Variants in PAK5 observed in about 807,000 individuals in gnomAD.
PAK5 encodes p21 (RAC1) activated kinase 5.
Under a neutral mutation model 65.9 loss-of-function variants are expected in PAK5, and 16 were observed. That is an observed-to-expected ratio of 0.24 (90% CI 0.16 to 0.37). PAK5 has a LOEUF of 0.37. PAK5 is among the 10% of genes least tolerant of loss of function. PAK5 has a pLI of 1.00. For missense variants in PAK5, 785 were observed against 903.9 expected, an observed-to-expected ratio of 0.87 and a Z score of 1.69; for synonymous variants, 371 against 354.9, an observed-to-expected ratio of 1.05 and a Z score of -0.51.
At chr20:9,802,391 T>C (rs1159975798) in intron 1 of PAK5, among the ~76,000 whole-genome samples, 1 of 152,100 alleles carries the variant, frequency 6.6e-6, no homozygotes, top group Non-Finnish European at 1.5e-5. Context: ...TGAACAATGA[T>C]AAACGCAGAC....
intron 1 of PAK5, among the ~76,000 whole-genome samples, chr20:9,830,347 C>T (rs1978610251): frequency 6.6e-6 from 1 of 152,204 alleles, no homozygotes; most frequent in African/African-American, 2.4e-5. Flanking sequence ...TGGACAGCCA[C>T]AGACATTTCC....
At chr20:9,605,879 G>A (rs1307477915) in intron 3 of PAK5, among the ~76,000 whole-genome samples, 1 of 152,088 alleles carries the variant, frequency 6.6e-6, no homozygotes, top group Non-Finnish European at 1.5e-5. Flanking sequence ...GCAGTGAGCC[G>A]AGATGGCGCT....
At chr20:9,562,855 A>G in intron 6 of PAK5, 36 bp downstream of exon 6, 1 of 1,589,714 alleles carries the variant, frequency 6.3e-7, no homozygotes, top group East Asian at 2.2e-5. Flanking sequence ...AAGAATAAGA[A>G]GCACCTCGAA....
chr20:9,728,229 A>T (rs1183233869), intron 1 of PAK5, among the ~76,000 whole-genome samples: 1 of 152,004 alleles, frequency 6.6e-6, no homozygotes, highest in Non-Finnish European at 1.5e-5. Flanking sequence ...ATGAGGAAGG[A>T]TCCTCCACCA....
intron 1 of PAK5, among the ~76,000 whole-genome samples, chr20:9,775,738 T>C (rs956764757): frequency 1.3e-5 from 2 of 152,192 alleles, no homozygotes; most frequent in Non-Finnish European, 2.9e-5. Flanking sequence ...TGGGGTAACA[T>C]ACTTTTCTTT....
intron 1 of PAK5, among the ~76,000 whole-genome samples, chr20:9,835,685 A>G (rs1400974932): frequency 6.6e-6 from 1 of 152,144 alleles, no homozygotes; most frequent in Admixed American, 6.5e-5. Context: ...GTGGGGATAG[A>G]AATAATTTAT....
At chr20:9,708,229 G>T (rs902631677) in intron 2 of PAK5, among the ~76,000 whole-genome samples, 1 of 152,072 alleles carries the variant, frequency 6.6e-6, no homozygotes, top group Non-Finnish European at 1.5e-5. Flanking sequence ...CTAAGCCAAG[G>T]GACCCTTTTG....
intron 3 of PAK5, among the ~76,000 whole-genome samples, chr20:9,596,402 C>A (rs1033343137): frequency 3.3e-5 from 5 of 152,100 alleles, no homozygotes; most frequent in Non-Finnish European, 7.4e-5. Flanking sequence ...TTTGGGAGGC[C>A]GAGGCGGGCG....
intron 1 of PAK5, among the ~76,000 whole-genome samples, chr20:9,817,352 A>G (rs1219089313): frequency 1.3e-5 from 2 of 152,140 alleles, no homozygotes; most frequent in Non-Finnish European, 2.9e-5. Context: ...ATGTACATTC[A>G]TTGAGCACTA....
chr20:9,641,140 TAGA>T (rs2047054051), intron 3 of PAK5, among the ~76,000 whole-genome samples: 2 of 151,972 alleles, frequency 1.3e-5, no homozygotes, highest in African/African-American at 4.8e-5. Flanking sequence ...TCAGATTAGT[TAGA>T]TACAGAGTTT....
At chr20:9,562,823 T>C (rs2045611762) in intron 6 of PAK5, 68 bp downstream of exon 6, 3 of 1,436,476 alleles carry the variant, frequency 2.1e-6, no homozygotes, top group Middle Eastern at 3.6e-4. Context: ...GAGTTCATAG[T>C]CACTGCGGCT....
intron 1 of PAK5, among the ~76,000 whole-genome samples, chr20:9,791,417 C>A (rs896620144): frequency 6.6e-5 from 10 of 152,102 alleles, no homozygotes; most frequent in Non-Finnish European, 1.0e-4. Context: ...TTGATTCCTG[C>A]CTTTCTGACA....
intron 1 of PAK5, among the ~76,000 whole-genome samples, chr20:9,764,394 TA>T (rs908660508): frequency 6.6e-6 from 1 of 152,218 alleles, no homozygotes; most frequent in African/African-American, 2.4e-5. Context: ...TTGGCAATAT[TA>T]AATTTGATCA....
At chr20:9,601,052 A>T (rs1205975715) in intron 3 of PAK5, among the ~76,000 whole-genome samples, 1 of 152,188 alleles carries the variant, frequency 6.6e-6, no homozygotes, top group Non-Finnish European at 1.5e-5. Flanking sequence ...GACCAGTATC[A>T]GCCTTGCAGA....
At chr20:9,594,308 A>G in intron 3 of PAK5, among the ~76,000 whole-genome samples, 1 of 152,174 alleles carries the variant, frequency 6.6e-6, no homozygotes, top group East Asian at 1.9e-4. Context: ...CAGGTAATTA[A>G]AATATACATT....
intron 3 of PAK5, among the ~76,000 whole-genome samples, chr20:9,637,813 T>C (rs1255957082): frequency 6.6e-6 from 1 of 152,176 alleles, no homozygotes; most frequent in African/African-American, 2.4e-5. Context: ...AAAAGAAATA[T>C]GAAGCAAATA....
intron 1 of PAK5, among the ~76,000 whole-genome samples, chr20:9,829,053 T>C (rs777481713): frequency 2.6e-5 from 4 of 152,222 alleles, no homozygotes; most frequent in Non-Finnish European, 5.9e-5. Flanking sequence ...AATGACACAA[T>C]GGCAATTCCA....
At chr20:9,768,022 A>G (rs2048788872) in intron 1 of PAK5, among the ~76,000 whole-genome samples, 1 of 152,238 alleles carries the variant, frequency 6.6e-6, no homozygotes, top group Non-Finnish European at 1.5e-5. Context: ...TTAGGGAAGC[A>G]TAGTCCTTGA....
At chr20:9,670,227 A>G (rs931933696) in intron 2 of PAK5, among the ~76,000 whole-genome samples, 34 of 152,324 alleles carry the variant, frequency 2.2e-4, no homozygotes, top group Admixed American at 1.8e-3. Context: ...TGCCTCAATA[A>G]ACATACATGT....
Sources: allele counts gnomAD v4.1 joint callset (sites outside exome capture counted in the v4.1 genomes callset), GRCh38; gene constraint gnomAD v4.1.1; transcripts MANE v1.5; gene names NCBI Gene and HGNC (gene_info 2026-07-23, HGNC 2026-07-21).